The following XIRP2 variants were observed in gnomAD, a reference collection of about 807,000 sequenced individuals.
The protein encoded by XIRP2 is xin actin-binding repeat-containing protein 2.
A neutral mutation model predicts 277.0 loss-of-function variants in XIRP2; 236 were observed. The ratio of observed to expected loss-of-function variants is 0.85; its 90% confidence interval spans 0.77 to 0.95. The LOEUF (loss-of-function observed/expected upper bound fraction) is 0.95. Among genes scored for constraint, XIRP2 ranks in the 40% least tolerant of loss-of-function variants. XIRP2 has a pLI of 0.00. For synonymous variants in XIRP2, 1,490 were observed against 1,416.5 expected (o/e 1.05, Z -1.17); for missense variants, 4,640 against 4,157.5 (o/e 1.12, Z -3.19).
intron 3 of XIRP2, among the ~76,000 whole-genome samples, chr2:167,210,076 G>C (rs1481995667): frequency 4.6e-5 from 7 of 152,068 alleles, no homozygotes; most frequent in Admixed American, 4.6e-4. Flanking sequence ...GCCTGACAAA[G>C]CTGTTTCTAA....
At chr2:166,899,611 G>A (rs778337300) in intron 1 of XIRP2, among the ~76,000 whole-genome samples, 4 of 151,984 alleles carry the variant, frequency 2.6e-5, no homozygotes, top group Admixed American at 6.6e-5. Context: ...TTTTTTCTTC[G>A]TTATTGAAAG....
intron 2 of XIRP2, among the ~76,000 whole-genome samples, chr2:167,019,277 A>G (rs561788184): frequency 6.6e-6 from 1 of 152,060 alleles, no homozygotes; most frequent in South Asian, 2.1e-4. Context: ...CAATTATACA[A>G]AAAGAAAAAC....
rs189907468 is a variant in XIRP2, at chr2:167,255,091, T to C, written c.*39+926T>C. 2.9e-3 allele frequency among the ~76,000 whole-genome samples: 436 copies of C among 151,884 alleles called. 1 individual carries two copies. Among genetic ancestry groups the C allele is most frequent in the Middle Eastern group, 0.01 (3 of 294 alleles). ...TCTCAGGCACCTGTGTGGGGGACTC[T>C]CTGTCCATTACCAAGATGTAAGAGG... On this transcript the variant is annotated intron_variant, in intron 10 of 10. Coordinates refer to ENST00000409195, the MANE Select transcript of XIRP2 (RefSeq NM_152381.6).
chr2:167,056,421 G>A (rs976577615), intron 2 of XIRP2, among the ~76,000 whole-genome samples: 12 of 152,082 alleles, frequency 7.9e-5, no homozygotes, highest in African/African-American at 2.9e-4. Context: ...GATACTGTAA[G>A]TCTCTCTGTT....
intron 3 of XIRP2, among the ~76,000 whole-genome samples, chr2:167,204,202 T>C (rs1693795909): frequency 6.6e-6 from 1 of 152,164 alleles, no homozygotes; most frequent in Non-Finnish European, 1.5e-5. Context: ...TAAATTCTGG[T>C]TTCTCTGCTC....
At chr2:167,092,628 A>G (rs11888129) in intron 2 of XIRP2, among the ~76,000 whole-genome samples, 1 of 152,106 alleles carries the variant, frequency 6.6e-6, no homozygotes, top group Non-Finnish European at 1.5e-5. Flanking sequence ...TGAACACTAT[A>G]ATGATTCTTG....
At chr2:166,915,216 G>A (rs1291052590) in intron 2 of XIRP2, among the ~76,000 whole-genome samples, 1 of 148,274 alleles carries the variant, frequency 6.7e-6, no homozygotes, top group Non-Finnish European at 1.5e-5. Flanking sequence ...CAGGAGAATG[G>A]CATGAATCTG....
chr2:167,246,981 T>C lies in XIRP2; in HGVS notation c.5589T>C (p.Ile1863=), dbSNP rs1475598298. 1 of 1,613,440 alleles carries C rather than the reference T, an allele frequency of 6.2e-7. No individual in the cohort carries two copies. The highest frequency in any genetic ancestry group is 2.2e-5 in the East Asian group (1 of 44,814). Residue 1863 remains isoleucine (I), a synonymous_variant, in exon 9 of 11, where the codon ATT becomes ATC. Coordinates refer to ENST00000409195, the MANE Select transcript of XIRP2 (RefSeq NM_152381.6). ...AAACAGTGACGAAAACAGAAGAAATTATAAAAGGTAACATGCTAGCCACAC... is the reference window on the plus strand; with the variant it reads ...AAACAGTGACGAAAACAGAAGAAATCATAAAAGGTAACATGCTAGCCACAC... ...NQKTVTKTEE[I]IKGNMLATLK...
intron 2 of XIRP2, among the ~76,000 whole-genome samples, chr2:167,048,401 A>T (rs1268848575): frequency 6.6e-6 from 1 of 151,958 alleles, no homozygotes; most frequent in Non-Finnish European, 1.5e-5. Flanking sequence ...TTGAATTTTC[A>T]ATTAAAATAG....
At chr2:167,207,202 T>C (rs535750357) in intron 3 of XIRP2, among the ~76,000 whole-genome samples, 1 of 152,358 alleles carries the variant, frequency 6.6e-6, no homozygotes, top group South Asian at 2.1e-4. Context: ...TATAAATCAC[T>C]GAATTCCAAA....
At chr2:167,075,390 C>A (rs1391473896) in intron 2 of XIRP2, among the ~76,000 whole-genome samples, 6 of 152,142 alleles carry the variant, frequency 3.9e-5, no homozygotes, top group Non-Finnish European at 1.5e-5. Flanking sequence ...GCCATTTGCT[C>A]TTTACAATTC....
At chr2:166,945,115 A>T (rs901703754) in intron 2 of XIRP2, among the ~76,000 whole-genome samples, 3 of 152,144 alleles carry the variant, frequency 2.0e-5, no homozygotes, top group Admixed American at 6.6e-5. Context: ...CAGGATACTG[A>T]CCTCAAGTGG....
intron 5 of XIRP2, among the ~76,000 whole-genome samples, chr2:167,232,622 C>G (rs1694792319): frequency 6.6e-6 from 1 of 151,902 alleles, no homozygotes; most frequent in African/African-American, 2.4e-5. Flanking sequence ...CACAAGTGTG[C>G]AATAAATATT....
chr2:167,148,433 A>AAG (rs1691923548), intron 3 of XIRP2, among the ~76,000 whole-genome samples: 1 of 126,414 alleles, frequency 7.9e-6, no homozygotes, highest in Admixed American at 7.6e-5. Flanking sequence ...GAAAGAAAGA[A>AAG]AAAGAAAAAG....
intron 2 of XIRP2, among the ~76,000 whole-genome samples, chr2:166,998,202 A>T (rs1044195065): frequency 1.3e-5 from 2 of 152,226 alleles, no homozygotes; most frequent in Admixed American, 1.3e-4. Context: ...AAATCACCAC[A>T]GCACACGTTT....
chr2:167,129,267 G>A (rs1437006774), intron 2 of XIRP2, among the ~76,000 whole-genome samples: 1 of 151,954 alleles, frequency 6.6e-6, no homozygotes, highest in Non-Finnish European at 1.5e-5. Context: ...ACTGAGTCTG[G>A]GAGTGTACAC....
intron 3 of XIRP2, among the ~76,000 whole-genome samples, chr2:167,166,323 C>T (rs1692519185): frequency 6.6e-6 from 1 of 152,068 alleles, no homozygotes; most frequent in African/African-American, 2.4e-5. Context: ...TAAGGATAGA[C>T]ATTGCATAAT....
At chr2:167,118,606 C>T (rs71428967) in intron 2 of XIRP2, among the ~76,000 whole-genome samples, 1 of 152,144 alleles carries the variant, frequency 6.6e-6, no homozygotes, top group African/African-American at 2.4e-5. Flanking sequence ...GCATTCCTCC[C>T]TTCCCTCTGG....
intron 2 of XIRP2, among the ~76,000 whole-genome samples, chr2:166,923,470 T>C (rs1685107012): frequency 6.6e-6 from 1 of 152,088 alleles, no homozygotes; most frequent in African/African-American, 2.4e-5. Context: ...TAGTATGAAA[T>C]GATACTTTTA....
Sources: gnomAD v4.1 joint callset for allele counts (sites outside exome capture counted in the v4.1 genomes callset) on GRCh38, gnomAD v4.1.1 for gene constraint, MANE v1.5 for transcripts, NCBI Gene and HGNC (gene_info 2026-07-23, HGNC 2026-07-21) for gene names.